ARHGAP18: variants seen among roughly 807,000 people sequenced by gnomAD.
The protein encoded by ARHGAP18 is rho GTPase-activating protein 18.
In ARHGAP18, 67 loss-of-function variants were observed where a neutral mutation model predicts 86.2. The observed-to-expected ratio is 0.78, with a 90% CI of 0.64 to 0.95. The LOEUF (loss-of-function observed/expected upper bound fraction) is 0.95, where lower values mean the gene tolerates loss of function less well. Ranked by LOEUF, ARHGAP18 falls within the 40% of genes least tolerant of loss-of-function variation. The pLI, the probability that ARHGAP18 is intolerant of heterozygous loss-of-function variation, is 0.00. For missense variants in ARHGAP18, 691 were observed against 780.4 expected (o/e 0.89, Z 1.37); for synonymous variants, 283 against 280.4 (o/e 1.01, Z -0.09).
At chr6:129,698,843 C>T (rs144274896) in intron 1 of ARHGAP18, among the ~76,000 whole-genome samples, 3,774 of 152,182 alleles carry the variant, frequency 0.025, 106 homozygotes, top group Admixed American at 0.069. Context: ...CAGGCATGCA[C>T]CACCATGCCA....
At chr6:129,591,888 C>T (rs767883428) in intron 12 of ARHGAP18, among the ~76,000 whole-genome samples, 2 of 152,164 alleles carry the variant, frequency 1.3e-5, no homozygotes, top group Non-Finnish European at 2.9e-5. Context: ...ATGGTATATT[C>T]ATCACCCTAG....
intron 1 of ARHGAP18, among the ~76,000 whole-genome samples, chr6:129,668,410 A>ACACACACC (rs1264848502): frequency 4.0e-5 from 6 of 151,404 alleles, no homozygotes; most frequent in Non-Finnish European, 7.4e-5. Flanking sequence ...AGACACACAC[A>ACACACACC]CCATTAAAAA....
At position 129,579,745 on chromosome 6, in the gene ARHGAP18, T is replaced by C. The variant is rs895705948; in HGVS notation, c.1900+325A>G. ...TATCTTAGCCTTATATAAGCTCAACTACTTCCTTTACTATGTGACATGAGT... is the reference window on the plus strand; with the variant it reads ...TATCTTAGCCTTATATAAGCTCAACCACTTCCTTTACTATGTGACATGAGT... On this transcript the variant is annotated intron_variant, in intron 14 of 14. Transcript: ENST00000368149. Among the ~76,000 whole-genome samples the C allele has an allele frequency of 5.3e-5, 8 of 152,342 alleles. No homozygotes were observed. In the South Asian group the frequency reaches 1.7e-3, roughly 32 times the overall value.
At chr6:129,652,609 T>C (rs1041973358) in intron 1 of ARHGAP18, among the ~76,000 whole-genome samples, 1 of 152,218 alleles carries the variant, frequency 6.6e-6, no homozygotes, top group Admixed American at 6.5e-5. Flanking sequence ...ACCTTAAACA[T>C]GCAATACAGA....
intron 14 of ARHGAP18, among the ~76,000 whole-genome samples, chr6:129,579,246 T>C (rs954264288): frequency 3.9e-5 from 6 of 152,108 alleles, no homozygotes; most frequent in Non-Finnish European, 8.8e-5. Context: ...AGAAATCAAA[T>C]CTATTAATAT....
At chr6:129,629,871 A>T (rs1773160733) in intron 4 of ARHGAP18, among the ~76,000 whole-genome samples, 1 of 152,222 alleles carries the variant, frequency 6.6e-6, no homozygotes. Context: ...TTCTACACTG[A>T]GAAACTAAAA....
intron 1 of ARHGAP18, among the ~76,000 whole-genome samples, chr6:129,679,968 C>T (rs533153059): frequency 2.6e-5 from 4 of 152,260 alleles, no homozygotes; most frequent in South Asian, 2.1e-4. Context: ...ATTTCCTTGC[C>T]GTGGCCACAT....
At chr6:129,694,990 G>A (rs1037295237) in intron 1 of ARHGAP18, among the ~76,000 whole-genome samples, 3 of 152,060 alleles carry the variant, frequency 2.0e-5, no homozygotes, top group Admixed American at 6.5e-5. Context: ...TAACAACTGC[G>A]ACTATTACAA....
At chr6:129,672,266 A>G (rs898009073) in intron 1 of ARHGAP18, among the ~76,000 whole-genome samples, 1 of 152,164 alleles carries the variant, frequency 6.6e-6, no homozygotes, top group Non-Finnish European at 1.5e-5. Flanking sequence ...CGGTACATCA[A>G]GTCTCACTAA....
chr6:129,648,734 A>G (rs1260805517), intron 1 of ARHGAP18, among the ~76,000 whole-genome samples: 1 of 90,092 alleles, frequency 1.1e-5, no homozygotes, highest in Non-Finnish European at 2.2e-5. Context: ...TCTATGTTAG[A>G]AAAAAAAAGC....
At position 129,578,199 on chromosome 6, in the gene ARHGAP18, A is replaced by G. The variant is rs1483326832; in HGVS notation, c.*314T>C. On this transcript the variant is annotated 3_prime_UTR_variant, in exon 15 of 15. Transcript: ENST00000368149. ...GGAGAAAAGAATGGGAAGAGAAGACATTTCCACATATTAAAAAAAAAAACT... is the reference window on the plus strand; with the variant it reads ...GGAGAAAAGAATGGGAAGAGAAGACGTTTCCACATATTAAAAAAAAAAACT... 1 of 155,302 alleles carries G rather than the reference A, an allele frequency of 6.4e-6. No homozygotes were observed. The highest frequency in any genetic ancestry group is 1.8e-4 in the East Asian group (1 of 5,476). 9.6% of individuals were successfully genotyped at this position (155,302 alleles called of 1,614,324 possible).
chr6:129,674,469 G>A (rs917730990), intron 1 of ARHGAP18, among the ~76,000 whole-genome samples: 14 of 152,138 alleles, frequency 9.2e-5, no homozygotes, highest in Admixed American at 3.9e-4. Context: ...AGCTCTCCAC[G>A]TCCATGAGTT....
intron 9 of ARHGAP18, among the ~76,000 whole-genome samples, chr6:129,606,896 T>C (rs1788865422): frequency 6.6e-6 from 1 of 151,694 alleles, no homozygotes; most frequent in African/African-American, 2.4e-5. Context: ...AGTCTCACTC[T>C]GTCTCCCAGG....
intron 1 of ARHGAP18, among the ~76,000 whole-genome samples, chr6:129,671,239 T>C (rs1454073837): frequency 2.0e-5 from 3 of 152,218 alleles, no homozygotes. Flanking sequence ...TTTCTCAATA[T>C]GTGCCTGGAC....
intron 8 of ARHGAP18, among the ~76,000 whole-genome samples, chr6:129,608,441 T>G (rs575385831): frequency 6.6e-6 from 1 of 152,274 alleles, no homozygotes; most frequent in Admixed American, 6.5e-5. Flanking sequence ...AAGTATATGT[T>G]TTAAATTTAG....
In ARHGAP18 at chr6:129,709,607, TAC is replaced by T. The variant is rs551238677; in HGVS notation, c.113+415_113+416del. Among the ~76,000 whole-genome samples the T allele has an allele frequency of 1.1e-3, 175 of 152,378 alleles. 1 individual carries two copies. The highest frequency in any genetic ancestry group is 4.1e-3 in the African/African-American group (169 of 41,590). The stretch of plus-strand genomic sequence containing the variant: ...ACTCTAACAACAACAGCTTGTACAG[TAC>T]AGTGAACAGCCTCCCTGCTTTTTGG... On this transcript the variant is annotated intron_variant, in intron 1 of 14. Transcript: ENST00000368149.
intron 1 of ARHGAP18, among the ~76,000 whole-genome samples, chr6:129,705,502 T>C (rs759480269): frequency 1.3e-5 from 2 of 152,232 alleles, no homozygotes; most frequent in Non-Finnish European, 2.9e-5. Context: ...AATGGTGCTA[T>C]GGATCAGGAT....
At chr6:129,676,078 ACT>A (rs1356554591) in intron 1 of ARHGAP18, among the ~76,000 whole-genome samples, 2 of 152,168 alleles carry the variant, frequency 1.3e-5, no homozygotes, top group South Asian at 2.1e-4. Flanking sequence ...CAAGTGTCAG[ACT>A]CTGATTCTTT....
At chr6:129,578,809 C>A (rs979913920) in intron 14 of ARHGAP18, among the ~76,000 whole-genome samples, 4 of 151,932 alleles carry the variant, frequency 2.6e-5, no homozygotes, top group Admixed American at 1.3e-4. Context: ...ACAAAAAATA[C>A]AAAAATTAGC....
Sources: allele counts gnomAD v4.1 joint callset (sites outside exome capture counted in the v4.1 genomes callset), GRCh38; gene constraint gnomAD v4.1.1; transcripts MANE v1.5; gene names NCBI Gene and HGNC (gene_info 2026-07-23, HGNC 2026-07-21).